NREP: variants seen among roughly 807,000 people sequenced by gnomAD.
NREP encodes neuronal regeneration related protein.
Under a neutral mutation model 8.6 loss-of-function variants are expected in NREP, and 5 were observed. The observed-to-expected ratio is 0.58, with a 90% CI of 0.30 to 1.22. The LOEUF (loss-of-function observed/expected upper bound fraction) is 1.22. Ranked by LOEUF, NREP falls within the 50% of genes most tolerant of loss-of-function variation. The pLI is 0.07. For synonymous variants in NREP, 27 were observed against 28.0 expected (o/e 0.96, Z 0.11); for missense variants, 86 against 82.5 (o/e 1.04, Z -0.17).
chr5:111,758,084 A>C (rs1317175214), upstream of NREP: 4 of 985,394 alleles, frequency 4.1e-6, no homozygotes, highest in East Asian at 1.1e-4. Context: ...GAGTCCGCGA[A>C]GGATGCATTT....
chr5:111,755,641 GAACCTTTT>G, intron 2 of NREP, 121 bp downstream of exon 2: 1 of 1,027,648 alleles, frequency 9.7e-7, no homozygotes, highest in Non-Finnish European at 1.5e-6. Flanking sequence ...ACTGGAGATA[GAACCTTTT>G]AAAGGTCAGA....
intron 2 of NREP, among the ~76,000 whole-genome samples, chr5:111,939,163 T>G (rs1755762471): frequency 6.6e-6 from 1 of 151,972 alleles, no homozygotes; most frequent in African/African-American, 2.4e-5. Context: ...TGACAAACAG[T>G]CCATGGAGCC....
At chr5:111,833,234 C>T (rs1752816514) in intron 2 of NREP, among the ~76,000 whole-genome samples, 1 of 152,196 alleles carries the variant, frequency 6.6e-6, no homozygotes, top group African/African-American at 2.4e-5. Flanking sequence ...GGAAAATCCT[C>T]AGAGGGATAA....
At chr5:111,750,476 A>G (rs148486030) in intron 2 of NREP, among the ~76,000 whole-genome samples, 1 of 152,300 alleles carries the variant, frequency 6.6e-6, no homozygotes, top group Non-Finnish European at 1.5e-5. Context: ...AACGAGTGTC[A>G]AGGTTGATTA....
At chr5:111,741,820 CACAT>C (rs1199529196) in intron 2 of NREP, among the ~76,000 whole-genome samples, 66 of 32,614 alleles carry the variant, frequency 2.0e-3, no homozygotes, top group Non-Finnish European at 4.1e-3. Context: ...TTTAAACACA[CACAT>C]ACACACACAC....
At chr5:111,945,067 C>T (rs1216861114) in intron 2 of NREP, among the ~76,000 whole-genome samples, 1 of 152,036 alleles carries the variant, frequency 6.6e-6, no homozygotes, top group Non-Finnish European at 1.5e-5. Flanking sequence ...TCTAAGGTAA[C>T]AATTCTTCCT....
upstream of NREP, among the ~76,000 whole-genome samples, chr5:111,761,749 G>A (rs545219704): frequency 3.1e-4 from 47 of 152,182 alleles, no homozygotes; most frequent in Admixed American, 7.2e-4. Context: ...GGAAGGTGAC[G>A]CCAAGGAATA....
At chr5:111,905,325 A>G (rs1754755586) in intron 2 of NREP, among the ~76,000 whole-genome samples, 1 of 152,258 alleles carries the variant, frequency 6.6e-6, no homozygotes, top group East Asian at 1.9e-4. Context: ...TTGCATTCCA[A>G]CCAGCAAACG....
At chr5:111,749,987 A>C (rs2112837504) in intron 2 of NREP, among the ~76,000 whole-genome samples, 1 of 152,292 alleles carries the variant, frequency 6.6e-6, no homozygotes, top group African/African-American at 2.4e-5. Flanking sequence ...TGTTAAGCAC[A>C]ATCAAAAGGC....
intron 2 of NREP, among the ~76,000 whole-genome samples, chr5:111,841,566 G>T (rs1011615126): frequency 6.6e-6 from 1 of 152,158 alleles, no homozygotes; most frequent in Non-Finnish European, 1.5e-5. Context: ...GTCTACAGAT[G>T]AGACTAGAAG....
chr5:111,802,371 C>T (rs1362516944), intron 2 of NREP, among the ~76,000 whole-genome samples: 1 of 152,090 alleles, frequency 6.6e-6, no homozygotes, highest in Non-Finnish European at 1.5e-5. Context: ...AGATGACTCC[C>T]AAATTGTTAA....
At chr5:111,802,051 G>A (rs1752020454) in intron 2 of NREP, among the ~76,000 whole-genome samples, 1 of 152,078 alleles carries the variant, frequency 6.6e-6, no homozygotes, top group Non-Finnish European at 1.5e-5. Context: ...CCTCCAGACA[G>A]AGGGCCCAGC....
intron 2 of NREP, among the ~76,000 whole-genome samples, chr5:111,951,978 C>T (rs546174676): frequency 2.0e-5 from 3 of 152,182 alleles, no homozygotes; most frequent in Non-Finnish European, 4.4e-5. Context: ...CTTTTCCAAA[C>T]CCTATATCCT....
chr5:111,801,545 A>G (rs929111548), intron 2 of NREP, among the ~76,000 whole-genome samples: 4 of 152,214 alleles, frequency 2.6e-5, no homozygotes, highest in Non-Finnish European at 5.9e-5. Flanking sequence ...AGCAGAAGGT[A>G]GAGAGTGTTG....
At chr5:111,842,969 G>A (rs938717473) in intron 2 of NREP, among the ~76,000 whole-genome samples, 3 of 152,008 alleles carry the variant, frequency 2.0e-5, no homozygotes, top group Non-Finnish European at 4.4e-5. Flanking sequence ...CTTTTCTCTC[G>A]CTAAAATTCT....
At chr5:111,906,713 A>G (rs1277487198) in intron 2 of NREP, among the ~76,000 whole-genome samples, 2 of 151,970 alleles carry the variant, frequency 1.3e-5, no homozygotes, top group African/African-American at 4.8e-5. Context: ...AGCTTTTCTA[A>G]TAGGTGTGTA....
chr5:111,814,641 T>C (rs1052472949), intron 2 of NREP, among the ~76,000 whole-genome samples: 1 of 152,154 alleles, frequency 6.6e-6, no homozygotes, highest in African/African-American at 2.4e-5. Context: ...TGACTATTGC[T>C]GAGGACTTTT....
intron 2 of NREP, among the ~76,000 whole-genome samples, chr5:111,971,790 A>C (rs761570077): frequency 1.3e-5 from 2 of 152,176 alleles, no homozygotes; most frequent in Non-Finnish European, 2.9e-5. Context: ...ATGATGCGAA[A>C]AGCACACTAA....
chr5:111,871,299 G>C (rs1410562723), intron 2 of NREP, among the ~76,000 whole-genome samples: 1 of 152,116 alleles, frequency 6.6e-6, no homozygotes, highest in Non-Finnish European at 1.5e-5. Context: ...ACAATGATAA[G>C]TATTTGTATG....
Sources: gnomAD v4.1 joint callset for allele counts (sites outside exome capture counted in the v4.1 genomes callset) on GRCh38, gnomAD v4.1.1 for gene constraint, MANE v1.5 for transcripts, NCBI Gene and HGNC (gene_info 2026-07-23, HGNC 2026-07-21) for gene names.